The following TMEM161B variants were observed in gnomAD, a reference collection of about 807,000 sequenced individuals.
TMEM161B encodes the protein transmembrane protein 161B.
A neutral mutation model predicts 61.8 loss-of-function variants in TMEM161B; 34 were observed. The ratio of observed to expected loss-of-function variants is 0.55; its 90% CI spans 0.42 to 0.73. The LOEUF is 0.73. TMEM161B is among the 30% of genes least tolerant of loss of function. The pLI is 0.00. For missense variants in TMEM161B, 456 were observed against 558.5 expected, an observed-to-expected ratio of 0.82 and a Z score of 1.85; for synonymous variants, 167 against 192.8, an observed-to-expected ratio of 0.87 and a Z score of 1.11.
intron 1 of TMEM161B, among the ~76,000 whole-genome samples, chr5:88,244,558 C>A (rs1438298281): frequency 6.8e-6 from 1 of 146,944 alleles, no homozygotes; most frequent in Non-Finnish European, 1.5e-5. Flanking sequence ...AATTTGAAGT[C>A]GAGTAATGTG....
At chr5:88,241,672 C>T (rs1370289799) in intron 1 of TMEM161B, among the ~76,000 whole-genome samples, 1 of 151,828 alleles carries the variant, frequency 6.6e-6, no homozygotes, top group Non-Finnish European at 1.5e-5. Context: ...TTACCACCCA[C>T]TTCCAGTGAA....
downstream of TMEM161B, among the ~76,000 whole-genome samples, chr5:88,191,906 G>A (rs357510): frequency 0.51 from 68,139 of 133,548 alleles, 19,411 homozygotes; most frequent in East Asian, 0.78. Flanking sequence ...GCAGTGAGCC[G>A]AGACCGCGCC....
At chr5:88,262,207 A>C (rs926733155) in intron 1 of TMEM161B, among the ~76,000 whole-genome samples, 20 of 152,206 alleles carry the variant, frequency 1.3e-4, no homozygotes, top group African/African-American at 4.6e-4. Context: ...AAATTAAAAT[A>C]AGGAAATACC....
At chr5:88,231,731 C>T (rs1040544068) in intron 2 of TMEM161B, among the ~76,000 whole-genome samples, 3 of 152,132 alleles carry the variant, frequency 2.0e-5, no homozygotes, top group African/African-American at 7.2e-5. Flanking sequence ...AATTGATTCT[C>T]GTTATTCGCG....
At chr5:88,233,687 AC>A (rs538634886) in intron 2 of TMEM161B, among the ~76,000 whole-genome samples, 135 of 152,296 alleles carry the variant, frequency 8.9e-4, no homozygotes, top group East Asian at 1.7e-3. Context: ...TAGAGAGTGA[AC>A]AAAAGTAAGC....
chr5:88,236,210 T>G (rs974209968), intron 2 of TMEM161B, among the ~76,000 whole-genome samples: 8 of 152,096 alleles, frequency 5.3e-5, no homozygotes, highest in African/African-American at 1.9e-4. Context: ...GACCATAATA[T>G]ATTTTCAGTG....
intron 10 of TMEM161B, 38 bp from the exon 11 acceptor site, chr5:88,197,803 G>A (rs1749939026): frequency 6.5e-7 from 1 of 1,540,380 alleles, no homozygotes; most frequent in Middle Eastern, 1.7e-4. Flanking sequence ...TAATGCAACT[G>A]ACATGTTAGG....
chr5:88,211,120 G>T (rs168570), intron 5 of TMEM161B, among the ~76,000 whole-genome samples: 130,383 of 151,806 alleles, frequency 0.86, 56,032 homozygotes, highest in Non-Finnish European at 0.88. Context: ...CTAATACATC[G>T]AATAAGATGT....
chr5:88,213,170 C>T (rs998947538), intron 5 of TMEM161B, among the ~76,000 whole-genome samples: 2 of 152,020 alleles, frequency 1.3e-5, no homozygotes, highest in Middle Eastern at 3.2e-3. Flanking sequence ...ACTTCACATT[C>T]TACATTGCAA....
chr5:88,261,743 A>C (rs1755723058), intron 1 of TMEM161B, among the ~76,000 whole-genome samples: 2 of 150,576 alleles, frequency 1.3e-5, no homozygotes, highest in Non-Finnish European at 3.0e-5. Flanking sequence ...AAAAAAAAAA[A>C]AAAAAAAAGA....
chr5:88,222,357 C>T (rs1749158866), intron 4 of TMEM161B, among the ~76,000 whole-genome samples: 2 of 152,158 alleles, frequency 1.3e-5, no homozygotes, highest in Admixed American at 6.5e-5. Context: ...ACATGAGCCA[C>T]TGCCCCCAGC....
chr5:88,233,130 C>T (rs958458791), intron 2 of TMEM161B, among the ~76,000 whole-genome samples: 1 of 152,166 alleles, frequency 6.6e-6, no homozygotes, highest in African/African-American at 2.4e-5. Context: ...AGATACTCTG[C>T]TAGGCAGAGG....
Position 88,213,353 on chromosome 5 carries a change from A to C in TMEM161B, c.447-6173T>G, listed in dbSNP as rs185472153. ...ATAATTTTAAACTAAAATATTTTTC[A>C]TACTTTCTTAGATATGCAGTTTCCA... On this transcript the variant is annotated intron_variant, in intron 5 of 11. Transcript: ENST00000296595. Among the ~76,000 whole-genome samples, 25 of 152,214 alleles carry C rather than the reference A, an allele frequency of 1.6e-4. No homozygotes were observed. In the East Asian group the frequency reaches 4.8e-3, roughly 29 times the overall value.
downstream of TMEM161B, among the ~76,000 whole-genome samples, chr5:88,193,581 ATACT>A (rs1749191793): frequency 6.6e-6 from 1 of 152,302 alleles, no homozygotes; most frequent in South Asian, 2.1e-4. Context: ...AAGCCAGAGT[ATACT>A]TAGAGTTTAA....
chr5:88,243,903 G>A (rs1339273919), intron 1 of TMEM161B, among the ~76,000 whole-genome samples: 2 of 151,826 alleles, frequency 1.3e-5, no homozygotes, highest in African/African-American at 4.8e-5. Flanking sequence ...CATTTGAAAG[G>A]TGTCTGTTTG....
intron 1 of TMEM161B, among the ~76,000 whole-genome samples, chr5:88,246,802 G>A (rs1753675141): frequency 1.3e-5 from 2 of 151,886 alleles, no homozygotes; most frequent in Admixed American, 1.3e-4. Context: ...ATAGAAAACT[G>A]GTCAAATGAG....
rs147074149 is a variant in TMEM161B at position 88,257,015 on chromosome 5, C to T, written c.3+11706G>A. ...TTAAGACCAGGTGCAGTGGCTAAAGCCTGTAATCTCAGGGCTTTGGAGGCA... is the reference window on the plus strand; with the variant it reads ...TTAAGACCAGGTGCAGTGGCTAAAGTCTGTAATCTCAGGGCTTTGGAGGCA... On this transcript the variant is annotated intron_variant, in intron 1 of 11. Transcript: ENST00000296595. 2.0e-5 allele frequency among the ~76,000 whole-genome samples: 3 copies of T among 152,222 alleles called. No individual in the cohort carries two copies. In the East Asian group the frequency reaches 5.8e-4, roughly 29 times the overall value.
intron 1 of TMEM161B, among the ~76,000 whole-genome samples, chr5:88,256,787 A>G (rs1755043422): frequency 1.3e-5 from 2 of 152,224 alleles, no homozygotes; most frequent in Non-Finnish European, 2.9e-5. Flanking sequence ...GATAAAGCAT[A>G]AATTTTTCCC....
chr5:88,244,584 C>CTTTTTT (rs369319062), intron 1 of TMEM161B, among the ~76,000 whole-genome samples: 5 of 116,024 alleles, frequency 4.3e-5, no homozygotes, highest in Admixed American at 8.7e-5. Flanking sequence ...TCCAGCTTTG[C>CTTTTTT]TTTTTTTTTT....
Sources: gnomAD v4.1 joint callset for allele counts (sites outside exome capture counted in the v4.1 genomes callset) on GRCh38, gnomAD v4.1.1 for gene constraint, MANE v1.5 for transcripts, NCBI Gene and HGNC (gene_info 2026-07-23, HGNC 2026-07-21) for gene names.